The following QKI variants were observed in gnomAD, a reference collection of about 807,000 sequenced individuals.
QKI encodes KH domain-containing RNA-binding protein QKI.
Under a neutral mutation model 39.0 loss-of-function variants are expected in QKI, and 10 were observed. The observed-to-expected ratio is 0.26, with a 90% CI of 0.16 to 0.43. The LOEUF is 0.43. Among genes scored for constraint, QKI ranks in the 20% least tolerant of loss-of-function variants. The pLI is 1.00. For synonymous variants in QKI, 204 were observed against 155.4 expected (o/e 1.31, Z -2.33); for missense variants, 218 against 428.0 (o/e 0.51, Z 4.33).
At chr6:163,439,161 G>A (rs1214315514) in intron 1 of QKI, among the ~76,000 whole-genome samples, 4 of 152,206 alleles carry the variant, frequency 2.6e-5, no homozygotes, top group South Asian at 2.1e-4. Context: ...GCTTACCAGT[G>A]TGTCTCCAGC....
rs186808309 is a variant in QKI at position 163,466,436 on chromosome 6, C to T, written c.285+11015C>T. ...CGTGGAACCACAGAAAGCACCTAATCGCCAAAACAGTCTTGAGAACAAAGC... is the reference window on the plus strand; with the variant it reads ...CGTGGAACCACAGAAAGCACCTAATTGCCAAAACAGTCTTGAGAACAAAGC... On this transcript the variant is annotated intron_variant, in intron 2 of 7. Coordinates refer to ENST00000361752, the MANE Select transcript of QKI (RefSeq NM_006775.3). Among the ~76,000 whole-genome samples, 10 of 84,366 alleles carry T rather than the reference C, an allele frequency of 1.2e-4. No individual in the cohort carries two copies. The East Asian group carries it at 1.5e-3, about 13-fold the overall frequency. 55.3% of individuals were successfully genotyped at this position (84,366 alleles called of 152,430 possible). A position where few individuals can be genotyped will look rare whatever the true frequency, so the allele number is the denominator to read the frequency against.
At chr6:163,439,733 TC>T (rs944023280) in intron 1 of QKI, among the ~76,000 whole-genome samples, 25 of 145,906 alleles carry the variant, frequency 1.7e-4, no homozygotes, top group African/African-American at 2.5e-4. Context: ...CACTGCAACC[TC>T]CATCTCCAGG....
At chr6:163,512,374 T>C (rs1218630398) in intron 3 of QKI, among the ~76,000 whole-genome samples, 2 of 151,440 alleles carry the variant, frequency 1.3e-5, no homozygotes, top group East Asian at 3.9e-4. Flanking sequence ...GCATACAGAA[T>C]GGAAAAGAAG....
chr6:163,446,306 C>G (rs1446526312), intron 1 of QKI, among the ~76,000 whole-genome samples: 3 of 152,124 alleles, frequency 2.0e-5, no homozygotes, highest in Non-Finnish European at 4.4e-5. Context: ...AATTCAGAGA[C>G]TCGTAAGAGT....
chr6:163,531,432 A>C (rs186514288), intron 3 of QKI, among the ~76,000 whole-genome samples: 2 of 152,170 alleles, frequency 1.3e-5, no homozygotes, highest in Admixed American at 6.5e-5. Flanking sequence ...TGGACAGGGG[A>C]TATGGGAATT....
chr6:163,563,302 T>C (rs1783144912), intron 5 of QKI, 118 bp from the exon 6 acceptor site: 4 of 961,366 alleles, frequency 4.2e-6, no homozygotes, highest in African/African-American at 1.6e-5. Flanking sequence ...GTACTAATGA[T>C]TTCCTTTTAT....
chr6:163,498,138 A>G (rs1359506141), intron 3 of QKI, among the ~76,000 whole-genome samples: 1 of 147,380 alleles, frequency 6.8e-6, no homozygotes, highest in Admixed American at 6.8e-5. Flanking sequence ...TTATTTGCTT[A>G]TAGGATTTAA....
At chr6:163,514,557 T>C (rs540290528) in intron 3 of QKI, among the ~76,000 whole-genome samples, 13 of 152,286 alleles carry the variant, frequency 8.5e-5, no homozygotes, top group Admixed American at 1.3e-4. Context: ...TTAATTCTTA[T>C]CAGTTTCATA....
chr6:163,472,725 A>G (rs1792294535), intron 2 of QKI, among the ~76,000 whole-genome samples: 1 of 152,218 alleles, frequency 6.6e-6, no homozygotes, highest in Admixed American at 6.5e-5. Context: ...TCAAAACTAC[A>G]GGAAATTATA....
chr6:163,569,385 C>A, intron 7 of QKI: 2 of 1,248,696 alleles, frequency 1.6e-6, no homozygotes, highest in Non-Finnish European at 2.1e-6. Context: ...TGAAGTGGCA[C>A]AGAATCTAAC....
intron 3 of QKI, among the ~76,000 whole-genome samples, chr6:163,493,026 C>T (rs1429741419): frequency 2.6e-5 from 4 of 152,060 alleles, no homozygotes; most frequent in Non-Finnish European, 4.4e-5. Flanking sequence ...TAATCTTCCC[C>T]ATTTAGCGCC....
chr6:163,535,475 T>G (rs1781137323), intron 4 of QKI, among the ~76,000 whole-genome samples: 3 of 152,022 alleles, frequency 2.0e-5, no homozygotes, highest in Non-Finnish European at 2.9e-5. Context: ...TATTGTTTCT[T>G]AACCCTTTAA....
chr6:163,564,043 CTCCATCAGCTCCACT>C, intron 6 of QKI: 1 of 1,130,866 alleles, frequency 8.8e-7, no homozygotes, highest in Non-Finnish European at 1.1e-6. Flanking sequence ...GGCCCGTCAC[CTCCATCAGCTCCACT>C]TCTCAAACTT....
At position 163,415,214 on chromosome 6, in the gene QKI, G is replaced by A. The variant is rs1787338780; in HGVS notation, c.21G>A (p.Thr7=). The A allele has an allele frequency of 6.3e-7, 1 of 1,588,334 alleles. No individual in the cohort carries two copies. The highest frequency in any genetic ancestry group is 1.4e-5 in the African/African-American group (1 of 73,860). The change falls in exon 1 of 8, where the codon ACG becomes ACA. Residue 7 remains threonine (T), a synonymous_variant. Coordinates refer to ENST00000361752, the MANE Select transcript of QKI (RefSeq NM_006775.3). ...GGAATATGGTCGGGGAAATGGAAAC[G>A]AAGGAGAAGCCGAAGCCCACCCCAG... MVGEME[T]KEKPKPTPDY...
chr6:163,540,764 C>G (rs1228796774), intron 4 of QKI, among the ~76,000 whole-genome samples: 1 of 152,028 alleles, frequency 6.6e-6, no homozygotes, highest in South Asian at 2.1e-4. Flanking sequence ...GATCAGTTTA[C>G]TTTATTCCTT....
intron 2 of QKI, among the ~76,000 whole-genome samples, chr6:163,460,915 C>T (rs1405807448): frequency 6.6e-6 from 1 of 152,124 alleles, no homozygotes; most frequent in Non-Finnish European, 1.5e-5. Context: ...TTACGATCTA[C>T]ACATCTGTCT....
chr6:163,468,304 G>T (rs1026747604), intron 2 of QKI, among the ~76,000 whole-genome samples: 1 of 152,056 alleles, frequency 6.6e-6, no homozygotes, highest in Non-Finnish European at 1.5e-5. Flanking sequence ...ATCCAAAAAA[G>T]TGCATTTTTT....
rs369969568 is a variant in QKI, at chr6:163,415,881, C to G, written c.142+546C>G. The G allele has an allele frequency of 9.0e-4, 459 of 510,522 alleles. 2 individuals carry two copies. Among genetic ancestry groups the G allele is most frequent in the Non-Finnish European group, 1.4e-3 (364 of 255,940 alleles). The allele number at this position is 510,522 out of a possible 1,614,324, so 31.6% of individuals were successfully genotyped here. On this transcript the variant is annotated intron_variant, in intron 1 of 7. Transcript: ENST00000361752. ...TGGTTGGGGAGTTGGTGCAGCTGTT[C>G]AATACTAAGTGGAAGTCAGTGTGGG...
intron 1 of QKI, among the ~76,000 whole-genome samples, chr6:163,426,334 C>A (rs1788404193): frequency 6.8e-6 from 1 of 147,372 alleles, no homozygotes; most frequent in East Asian, 2.0e-4. Context: ...GAAGCTAGTT[C>A]TAAAGTAGGT....
Sources: gnomAD v4.1 joint callset for allele counts (sites outside exome capture counted in the v4.1 genomes callset) on GRCh38, gnomAD v4.1.1 for gene constraint, MANE v1.5 for transcripts, NCBI Gene and HGNC (gene_info 2026-07-23, HGNC 2026-07-21) for gene names.